Variants in DOK6 observed in about 807,000 individuals in gnomAD.
DOK6 encodes the protein downstream of tyrosine kinase 6.
Under a neutral mutation model 44.0 loss-of-function variants are expected in DOK6, and 22 were observed. That is an observed-to-expected ratio of 0.50 (90% confidence interval 0.36 to 0.71). The LOEUF is 0.71. Among genes scored for constraint, DOK6 ranks in the 30% least tolerant of loss-of-function variants. The pLI is 0.00. For missense variants in DOK6, 340 were observed against 416.4 expected (o/e 0.82, Z 1.60); for synonymous variants, 166 against 145.5 (o/e 1.14, Z -1.01).
chr18:69,514,358 G>A (rs1448114919), intron 1 of DOK6, among the ~76,000 whole-genome samples: 3 of 152,154 alleles, frequency 2.0e-5, no homozygotes, highest in African/African-American at 7.2e-5. Flanking sequence ...AACAAGACTT[G>A]CCTGACGTAC....
At chr18:69,674,104 T>C (rs971300841) in intron 3 of DOK6, among the ~76,000 whole-genome samples, 1 of 152,104 alleles carries the variant, frequency 6.6e-6, no homozygotes, top group Admixed American at 6.5e-5. Flanking sequence ...TAAATAGTGA[T>C]AGAAAAAAAT....
At chr18:69,491,121 C>A (rs968450753) in intron 1 of DOK6, among the ~76,000 whole-genome samples, 2 of 152,148 alleles carry the variant, frequency 1.3e-5, no homozygotes, top group South Asian at 2.1e-4. Flanking sequence ...GTGTTATCTA[C>A]ATTATCTACA....
At chr18:69,451,042 T>A (rs1335709176) in intron 1 of DOK6, among the ~76,000 whole-genome samples, 3 of 142,670 alleles carry the variant, frequency 2.1e-5, no homozygotes, top group African/African-American at 7.8e-5. Flanking sequence ...AATGACAGGA[T>A]CAAATTCACA....
At chr18:69,590,696 T>G (rs1301775492) in intron 2 of DOK6, among the ~76,000 whole-genome samples, 1 of 152,138 alleles carries the variant, frequency 6.6e-6, no homozygotes, top group Non-Finnish European at 1.5e-5. Context: ...TTAAGAAATA[T>G]TAGTCTGAAA....
intron 7 of DOK6, among the ~76,000 whole-genome samples, chr18:69,764,703 G>T (rs1979665395): frequency 6.6e-6 from 1 of 152,178 alleles, no homozygotes; most frequent in South Asian, 2.1e-4. Flanking sequence ...CTTGAGAACA[G>T]ACTAATACAT....
At chr18:69,479,204 T>G (rs1980352357) in intron 1 of DOK6, among the ~76,000 whole-genome samples, 1 of 151,936 alleles carries the variant, frequency 6.6e-6, no homozygotes, top group African/African-American at 2.4e-5. Context: ...AGGAGAGGAA[T>G]GGAGATATTA....
chr18:69,727,579 T>C (rs1378629432), intron 5 of DOK6, among the ~76,000 whole-genome samples: 1 of 152,176 alleles, frequency 6.6e-6, no homozygotes, highest in Non-Finnish European at 1.5e-5. Context: ...AAAAAATATT[T>C]TTCCCCAAAT....
chr18:69,668,952 G>A lies in DOK6; in HGVS notation c.290-8782G>A, dbSNP rs568305311. ...CTGTCATTTTAATAAGGCCCAGGAA[G>A]TATGGTAGGGTTTTGTTTGCTTGCC... On this transcript the variant is annotated intron_variant, in intron 3 of 7. Transcript: ENST00000382713. 3.9e-5 allele frequency among the ~76,000 whole-genome samples: 6 copies of A among 152,246 alleles called. No individual in the cohort carries two copies. The South Asian group carries it at 1.2e-3, about 32-fold the overall frequency.
intron 3 of DOK6, among the ~76,000 whole-genome samples, chr18:69,654,060 C>A (rs1985300815): frequency 6.6e-6 from 1 of 151,982 alleles, no homozygotes; most frequent in Non-Finnish European, 1.5e-5. Context: ...TTCTGAAATC[C>A]TACAAATGAA....
At chr18:69,527,391 C>A (rs34213339) in intron 1 of DOK6, among the ~76,000 whole-genome samples, 4 of 152,150 alleles carry the variant, frequency 2.6e-5, no homozygotes, top group African/African-American at 9.7e-5. Context: ...TAAACATGTT[C>A]TTTTCACATG....
chr18:69,756,012 C>A (rs753565073), intron 6 of DOK6, among the ~76,000 whole-genome samples: 1 of 152,208 alleles, frequency 6.6e-6, no homozygotes, highest in African/African-American at 2.4e-5. Context: ...CTGGTGGCTC[C>A]GCCCCATTTT....
chr18:69,496,286 A>T (rs1361112378), intron 1 of DOK6, among the ~76,000 whole-genome samples: 1 of 152,202 alleles, frequency 6.6e-6, no homozygotes, highest in Non-Finnish European at 1.5e-5. Flanking sequence ...GTGGAGTGGG[A>T]TGCCCGGGTC....
intron 1 of DOK6, among the ~76,000 whole-genome samples, chr18:69,520,663 CATAAA>C (rs1568283986): frequency 6.6e-6 from 1 of 151,894 alleles, no homozygotes; most frequent in Non-Finnish European, 1.5e-5. Flanking sequence ...GAATGTAAAA[CATAAA>C]TAAAAGTTTG....
At chr18:69,731,962 C>T (rs950787649) in intron 5 of DOK6, among the ~76,000 whole-genome samples, 7 of 152,264 alleles carry the variant, frequency 4.6e-5, no homozygotes, top group South Asian at 2.1e-4. Context: ...TAAAGTAGAA[C>T]AAGTCTTCCA....
intron 1 of DOK6, among the ~76,000 whole-genome samples, chr18:69,537,171 T>C (rs566695443): frequency 9.9e-5 from 15 of 152,080 alleles, no homozygotes; most frequent in Non-Finnish European, 2.2e-4. Flanking sequence ...AAGTAAGACA[T>C]AAAATTATTC....
At chr18:69,809,000 G>T (rs931627597) in intron 7 of DOK6, among the ~76,000 whole-genome samples, 11 of 151,614 alleles carry the variant, frequency 7.3e-5, no homozygotes, top group African/African-American at 2.7e-4. Flanking sequence ...TAAATCACAA[G>T]CCCTTATCTT....
chr18:69,793,763 TCCCAACATCTTTTG>T (rs1167711817), intron 7 of DOK6, among the ~76,000 whole-genome samples: 1 of 152,064 alleles, frequency 6.6e-6, no homozygotes, highest in Non-Finnish European at 1.5e-5. Flanking sequence ...GATAGCACTT[TCCCAACATCTTTTG>T]CACATCTAGA....
At chr18:69,698,617 G>C (rs1243106431) in intron 5 of DOK6, 24 bp downstream of exon 5, 1 of 1,606,004 alleles carries the variant, frequency 6.2e-7, no homozygotes, top group African/African-American at 1.3e-5. Context: ...CAGCAGCCAA[G>C]TGCAGGAGTT....
chr18:69,643,468 A>G (rs528785072), intron 3 of DOK6, among the ~76,000 whole-genome samples: 1 of 152,204 alleles, frequency 6.6e-6, no homozygotes, highest in East Asian at 1.9e-4. Flanking sequence ...TGTATCTTCC[A>G]TTTCTCAAAT....
Sources: gnomAD v4.1 joint callset for allele counts (sites outside exome capture counted in the v4.1 genomes callset) on GRCh38, gnomAD v4.1.1 for gene constraint, MANE v1.5 for transcripts, NCBI Gene and HGNC (gene_info 2026-07-23, HGNC 2026-07-21) for gene names.